WDR7: variants seen among roughly 807,000 people sequenced by gnomAD.
WDR7 encodes WD repeat domain 7.
In WDR7, 46 loss-of-function variants were observed where a neutral mutation model predicts 169.4. The observed-to-expected ratio is 0.27, with a 90% CI of 0.21 to 0.35. The LOEUF is 0.35. WDR7 is among the 10% of genes least tolerant of loss of function. The probability of loss-of-function intolerance (pLI) is 1.00; values close to 1 mark genes in which losing one functional copy is unlikely to be tolerated. For missense variants in WDR7, 1,534 were observed against 1,859.3 expected, an observed-to-expected ratio of 0.83 and a Z score of 3.22; for synonymous variants, 612 against 666.8, an observed-to-expected ratio of 0.92 and a Z score of 1.27.
chr18:56,681,049 C>T (rs471036), intron 3 of WDR7, among the ~76,000 whole-genome samples: 14,693 of 152,002 alleles, frequency 0.097, 870 homozygotes, highest in Non-Finnish European at 0.13. Context: ...TACAAGACTT[C>T]ATTAACCAAA....
At chr18:56,777,926 G>A (rs913496651) in intron 17 of WDR7, among the ~76,000 whole-genome samples, 1 of 152,090 alleles carries the variant, frequency 6.6e-6, no homozygotes. Context: ...GGTCATATTT[G>A]TTACACTATT....
Position 56,744,978 on chromosome 18 carries a change from A to G in WDR7, c.1990-11605A>G, listed in dbSNP as rs577273618. 3.3e-5 allele frequency among the ~76,000 whole-genome samples: 5 copies of G among 152,252 alleles called. No individual in the cohort carries two copies. The East Asian group carries it at 7.7e-4, about 23-fold the overall frequency. On this transcript the variant is annotated intron_variant, in intron 14 of 27. Coordinates refer to ENST00000254442, the MANE Select transcript of WDR7 (RefSeq NM_015285.3). ...TGGAGTGGAAGTTGTGAAAGTCACT[A>G]TGGCTTTTAGTATTTGGTGGTGCAC...
At chr18:56,989,498 C>T (rs2047779278) in intron 26 of WDR7, among the ~76,000 whole-genome samples, 1 of 152,080 alleles carries the variant, frequency 6.6e-6, no homozygotes, top group Non-Finnish European at 1.5e-5. Context: ...AGTACAACTT[C>T]TACTCTAATT....
chr18:56,877,385 G>A (rs149094117), intron 20 of WDR7, among the ~76,000 whole-genome samples: 24 of 152,178 alleles, frequency 1.6e-4, no homozygotes, highest in Admixed American at 8.5e-4. Flanking sequence ...GGAGTGTCTC[G>A]AAATGCAGAC....
At chr18:56,753,489 T>G (rs551365707) in intron 14 of WDR7, among the ~76,000 whole-genome samples, 16 of 152,298 alleles carry the variant, frequency 1.1e-4, no homozygotes. Context: ...TATATAAATG[T>G]GGCAAAGACA....
chr18:56,768,614 A>G (rs148917584), intron 16 of WDR7, among the ~76,000 whole-genome samples: 101 of 152,274 alleles, frequency 6.6e-4, no homozygotes, highest in African/African-American at 2.4e-3. Flanking sequence ...AAGGACTCTG[A>G]GTTGTCTAAT....
intron 19 of WDR7, among the ~76,000 whole-genome samples, chr18:56,782,904 G>T (rs1309559357): frequency 6.6e-6 from 1 of 152,024 alleles, no homozygotes; most frequent in Non-Finnish European, 1.5e-5. Context: ...ACTTTATAGG[G>T]TTATTATGTG....
chr18:56,917,935 G>A (rs1003915829), intron 21 of WDR7, among the ~76,000 whole-genome samples: 1 of 152,106 alleles, frequency 6.6e-6, no homozygotes, highest in African/African-American at 2.4e-5. Flanking sequence ...TAAAATATGA[G>A]CTATTATTAT....
intron 19 of WDR7, among the ~76,000 whole-genome samples, chr18:56,808,011 CT>C (rs1436702999): frequency 6.6e-6 from 1 of 152,040 alleles, no homozygotes; most frequent in Non-Finnish European, 1.5e-5. Context: ...AAAAGGTTAT[CT>C]TTCTATGGCC....
chr18:56,788,568 C>T (rs2044437431), intron 19 of WDR7, among the ~76,000 whole-genome samples: 1 of 152,122 alleles, frequency 6.6e-6, no homozygotes, highest in African/African-American at 2.4e-5. Context: ...GCACCCTGTG[C>T]TGTCCCTCTT....
intron 21 of WDR7, among the ~76,000 whole-genome samples, chr18:56,913,878 C>A (rs886236397): frequency 3.3e-5 from 5 of 152,140 alleles, no homozygotes; most frequent in African/African-American, 1.2e-4. Context: ...TTCTGTCTTG[C>A]CTGAGCCGTT....
intron 25 of WDR7, among the ~76,000 whole-genome samples, chr18:56,961,515 T>C (rs555875770): frequency 3.1e-4 from 47 of 152,202 alleles, no homozygotes; most frequent in African/African-American, 1.1e-3. Flanking sequence ...GACTAGATAA[T>C]GGGAAGGTAT....
chr18:56,954,824 T>G (rs2047230406), intron 25 of WDR7, among the ~76,000 whole-genome samples: 1 of 152,170 alleles, frequency 6.6e-6, no homozygotes, highest in South Asian at 2.1e-4. Flanking sequence ...AAATAAGTGT[T>G]TAAACTTTTG....
intron 20 of WDR7, among the ~76,000 whole-genome samples, chr18:56,841,861 T>A (rs1328005624): frequency 6.6e-6 from 1 of 152,196 alleles, no homozygotes; most frequent in Non-Finnish European, 1.5e-5. Context: ...TTTCTCTGTA[T>A]GTGTGCATGC....
intron 14 of WDR7, 127 bp downstream of exon 14, chr18:56,731,724 C>A: frequency 1.2e-6 from 1 of 848,744 alleles, no homozygotes; most frequent in Non-Finnish European, 1.7e-6. Flanking sequence ...TTTTGATTTT[C>A]ATTTAGGTTT....
In WDR7 at chr18:56,913,623, CA is replaced by C. The variant is rs3045241; in HGVS notation, c.3527-10277del. ...GCAACAGAGTGAGACCCCATCTCTACAAAAAAAAAAAAAAAAAAAAAATTAG... is the reference window on the plus strand; with the variant it reads ...GCAACAGAGTGAGACCCCATCTCTACAAAAAAAAAAAAAAAAAAAAATTAG... On this transcript the variant is annotated intron_variant, in intron 21 of 27. Transcript: ENST00000254442. Among the ~76,000 whole-genome samples, 209 of 134,798 alleles carry C rather than the reference CA, an allele frequency of 1.6e-3. 1 individual carries two copies. Among genetic ancestry groups the C allele is most frequent in the African/African-American group, 5.1e-3 (178 of 34,806 alleles). The allele number at this position is 134,798 out of a possible 152,430, so 88.4% of individuals were successfully genotyped here.
chr18:56,731,009 G>T (rs1299003001), intron 13 of WDR7, among the ~76,000 whole-genome samples: 1 of 152,042 alleles, frequency 6.6e-6, no homozygotes, highest in Non-Finnish European at 1.5e-5. Context: ...TTTCGTTTAA[G>T]ATTGATATAC....
intron 26 of WDR7, among the ~76,000 whole-genome samples, chr18:57,013,891 C>G (rs1295482096): frequency 6.6e-6 from 1 of 152,158 alleles, no homozygotes; most frequent in Non-Finnish European, 1.5e-5. Context: ...TCAAGGAGTT[C>G]TAGTAAATTA....
intron 1 of WDR7, among the ~76,000 whole-genome samples, chr18:56,657,831 T>C (rs973731578): frequency 2.0e-5 from 3 of 152,254 alleles, no homozygotes; most frequent in African/African-American, 7.2e-5. Context: ...ACTTCCTTTC[T>C]ATTAAGGAAC....
Sources: allele counts gnomAD v4.1 joint callset (sites outside exome capture counted in the v4.1 genomes callset), GRCh38; gene constraint gnomAD v4.1.1; transcripts MANE v1.5; gene names NCBI Gene and HGNC (gene_info 2026-07-23, HGNC 2026-07-21).